CLIP1: variants seen among roughly 807,000 people sequenced by gnomAD.
CLIP1 encodes the protein CAP-Gly domain containing linker protein 1.
CLIP1 carries 66 observed loss-of-function variants against 161.6 expected under a neutral mutation model. That is an observed-to-expected ratio of 0.41 (90% CI 0.33 to 0.50). The LOEUF (loss-of-function observed/expected upper bound fraction) is 0.50, where lower values mean the gene tolerates loss of function less well. CLIP1 is among the 20% of genes least tolerant of loss of function. The pLI is 0.27. For missense variants in CLIP1, 1,376 were observed against 1,702.0 expected, an observed-to-expected ratio of 0.81 and a Z score of 3.37; for synonymous variants, 598 against 626.2, an observed-to-expected ratio of 0.96 and a Z score of 0.67.
chr12:122,319,277 G>T lies in CLIP1; in HGVS notation c.3321C>A (p.Ala1107=). 1 of 1,614,118 alleles carries T rather than the reference G, an allele frequency of 6.2e-7. No individual in the cohort carries two copies. The highest frequency in any genetic ancestry group is 8.5e-7 in the Non-Finnish European group (1 of 1,179,920). ...TTGTTTGCTTGGTGTCCTCCAAGGA[G>T]GCCAGAGTCTCAGTCTTCTCTTTGG... is the stretch of plus-strand genomic sequence containing the variant. The part of the protein sequence containing the change: ...QMTKEKTETL[A]SLEDTKQTNA... The change falls in exon 18 of 26, where the codon GCC becomes GCA. Residue 1107 remains alanine (A), a synonymous_variant. Coordinates refer to ENST00000620786, the MANE Select transcript of CLIP1 (RefSeq NM_001247997.2).
At chr12:122,389,489 T>G (rs1398621196) in intron 1 of CLIP1, among the ~76,000 whole-genome samples, 1 of 152,036 alleles carries the variant, frequency 6.6e-6, no homozygotes, top group African/African-American at 2.4e-5. Context: ...CCGGGTGCGG[T>G]GGCTCACGCC....
chr12:122,334,967 G>A (rs1483312973), intron 12 of CLIP1, among the ~76,000 whole-genome samples: 1 of 152,216 alleles, frequency 6.6e-6, no homozygotes, highest in East Asian at 1.9e-4. Flanking sequence ...ATGTAGGCAT[G>A]TTCGTACTTA....
At chr12:122,366,697 T>C (rs1364605740) in intron 3 of CLIP1, among the ~76,000 whole-genome samples, 1 of 152,086 alleles carries the variant, frequency 6.6e-6, no homozygotes, top group Non-Finnish European at 1.5e-5. Flanking sequence ...AAAAATTAGC[T>C]GGATGCAGTG....
Position 122,341,492 on chromosome 12 carries a change from G to C in CLIP1, c.1712C>G (p.Thr571Ser), listed in dbSNP as rs370376229. 1.7e-5 allele frequency: 27 copies of C among 1,613,722 alleles called. No individual in the cohort carries two copies. Among genetic ancestry groups the C allele is most frequent in the Non-Finnish European group, 2.3e-5 (27 of 1,179,860 alleles). The change falls in exon 11 of 26, where the codon ACT becomes AGT. Residue 571 changes from threonine to serine, a missense_variant. Physicochemically the swap from Thr to Ser is moderately conservative, Grantham distance 58. This residue lies in a region of CLIP1 where 948 missense variants were observed against 1,134.8 expected (regional missense o/e 0.84). Coordinates refer to ENST00000620786, the MANE Select transcript of CLIP1 (RefSeq NM_001247997.2). ...GGCTCCAAAATGCTCCTTCAGAGAA[G>C]TTATTTCTCTCTGGTGGTCAGTACG... The part of the protein sequence containing the change: ...VTRTDHQREI[T>S]SLKEHFGARE...
intron 1 of CLIP1, among the ~76,000 whole-genome samples, chr12:122,413,021 C>G (rs988938463): frequency 1.3e-5 from 2 of 152,022 alleles, no homozygotes; most frequent in Non-Finnish European, 2.9e-5. Flanking sequence ...TTTCAGAAAC[C>G]CAGGCAATAA....
intron 1 of CLIP1, among the ~76,000 whole-genome samples, chr12:122,413,499 G>A (rs1203997348): frequency 1.3e-5 from 2 of 152,118 alleles, no homozygotes; most frequent in Non-Finnish European, 2.9e-5. Context: ...GTTAAACTGG[G>A]ATCTATCCAA....
In CLIP1 at chr12:122,355,593, G is replaced by A. The variant is rs1566162456; in HGVS notation, c.1006-281C>T. ...GGAGGCCAAGGCGGGTGGATCACTT[G>A]AGGCCAGGAGTTTGAGACCTGGCCA... On this transcript the variant is annotated intron_variant, in intron 5 of 25. Coordinates refer to ENST00000620786, the MANE Select transcript of CLIP1 (RefSeq NM_001247997.2). This position sits in a 1 kb window ranked among gnomAD's most constrained non-coding sequence, Gnocchi z 4.1. The A allele has an allele frequency of 8.8e-6, 3 of 341,982 alleles. No individual in the cohort carries two copies. Among genetic ancestry groups the A allele is most frequent in the Non-Finnish European group, 1.6e-5 (3 of 185,176 alleles). The allele number at this position is 341,982 out of a possible 1,614,324, so 21.2% of individuals were successfully genotyped here. A position where few individuals can be genotyped will look rare whatever the true frequency, so the allele number is the denominator to read the frequency against.
intron 9 of CLIP1, among the ~76,000 whole-genome samples, chr12:122,349,898 T>G (rs574047572): frequency 5.5e-5 from 4 of 72,772 alleles, no homozygotes; most frequent in African/African-American, 1.6e-4. Context: ...TTTTTTGTTT[T>G]TTTTGTTTTT....
chr12:122,278,990 G>C (rs1445109905), intron 22 of CLIP1, 38 bp downstream of exon 22: 5 of 1,606,108 alleles, frequency 3.1e-6, no homozygotes, highest in Non-Finnish European at 4.2e-6. Context: ...ACGAAAGGAG[G>C]CCGCGTGAAA....
chr12:122,363,455 C>T (rs1953972739), intron 4 of CLIP1, among the ~76,000 whole-genome samples: 1 of 150,786 alleles, frequency 6.6e-6, no homozygotes, highest in Non-Finnish European at 1.5e-5. Flanking sequence ...GAGATGGCGC[C>T]ACTGCACTCC....
At chr12:122,351,271 T>C (rs957011679) in intron 8 of CLIP1, 128 bp from the exon 9 acceptor site, 4 of 587,660 alleles carry the variant, frequency 6.8e-6, no homozygotes, top group African/African-American at 3.7e-5. Flanking sequence ...AGACAGACTA[T>C]ACAACCCAGT....
rs1484883310 is a variant in CLIP1, at chr12:122,336,834, A to G, written c.2452-86T>C. 5.3e-6 allele frequency: 3 copies of G among 566,330 alleles called. No homozygotes were observed. In the African/African-American group the frequency reaches 5.8e-5, roughly 11 times the overall value. 35.1% of individuals were successfully genotyped at this position (566,330 alleles called of 1,614,324 possible). A position where few individuals can be genotyped will look rare whatever the true frequency, so the allele number is the denominator to read the frequency against. ...AGAAGAAAAAAATAAACAAATGTAA[A>G]AAACTTATGAGAAACATAAAACAAA... On this transcript the variant is annotated intron_variant, in intron 11 of 25. Coordinates refer to ENST00000620786, the MANE Select transcript of CLIP1 (RefSeq NM_001247997.2).
intron 17 of CLIP1, among the ~76,000 whole-genome samples, chr12:122,320,126 T>G (rs1951428376): frequency 6.6e-6 from 1 of 151,786 alleles, no homozygotes; most frequent in Non-Finnish European, 1.5e-5. Flanking sequence ...TACAAAAAAC[T>G]AGCTGGCCGT....
chr12:122,334,777 A>G (rs551744221), intron 12 of CLIP1, 72 bp from the exon 13 acceptor site: 2 of 912,844 alleles, frequency 2.2e-6, no homozygotes, highest in South Asian at 2.8e-5. Flanking sequence ...TCTATCAATT[A>G]TAACTACGAT....
chr12:122,276,130 AT>A (rs2136202395), intron 24 of CLIP1, among the ~76,000 whole-genome samples: 1 of 152,306 alleles, frequency 6.6e-6, no homozygotes, highest in East Asian at 1.9e-4. Flanking sequence ...ATACACACAC[AT>A]ATACATAAAT....
At chr12:122,368,528 C>T (rs1954278039) in intron 3 of CLIP1, among the ~76,000 whole-genome samples, 1 of 152,144 alleles carries the variant, frequency 6.6e-6, no homozygotes. Flanking sequence ...TGCCTGAGTG[C>T]ATAAAGCTAT....
chr12:122,286,520 T>TAAAAAAAAA (rs57260606), intron 21 of CLIP1, among the ~76,000 whole-genome samples: 5 of 28,256 alleles, frequency 1.8e-4, no homozygotes, highest in Admixed American at 6.5e-4. Flanking sequence ...GACTCTGTCT[T>TAAAAAAAAA]AAAAAAAAAA....
chr12:122,422,252 A>T (rs936447492), intron 1 of CLIP1, among the ~76,000 whole-genome samples: 1 of 151,760 alleles, frequency 6.6e-6, no homozygotes, highest in African/African-American at 2.4e-5. Context: ...AGGCGGGCGG[A>T]GGAAGCGAAG....
At chr12:122,398,852 T>C (rs189967949) in intron 1 of CLIP1, among the ~76,000 whole-genome samples, 2 of 151,814 alleles carry the variant, frequency 1.3e-5, no homozygotes, top group African/African-American at 2.4e-5. Context: ...TCTAAAATCT[T>C]TTTTTAAAAA....
Sources: gnomAD v4.1 joint callset for allele counts (sites outside exome capture counted in the v4.1 genomes callset) on GRCh38, gnomAD v4.1.1 for gene constraint, gnomAD v4.1.1 regional missense constraint, Gnocchi (gnomAD v3.1) non-coding constraint, MANE v1.5 for transcripts, NCBI Gene and HGNC (gene_info 2026-07-23, HGNC 2026-07-21) for gene names.